NCKAP5: variants seen among roughly 807,000 people sequenced by gnomAD.
The protein encoded by NCKAP5 is nck-associated protein 5.
In NCKAP5, 92 loss-of-function variants were observed where a neutral mutation model predicts 167.0. The ratio of observed to expected loss-of-function variants is 0.55; its 90% CI spans 0.47 to 0.66. The LOEUF is 0.66. Among genes scored for constraint, NCKAP5 ranks in the 30% least tolerant of loss-of-function variants. The pLI, the probability that NCKAP5 is intolerant of heterozygous loss-of-function variation, is 0.00. For missense variants in NCKAP5, 2,378 were observed against 2,315.0 expected (o/e 1.03, Z -0.56); for synonymous variants, 891 against 877.4 (o/e 1.02, Z -0.27).
intron 9 of NCKAP5, among the ~76,000 whole-genome samples, chr2:132,871,610 T>C (rs538574458): frequency 3.9e-5 from 6 of 152,284 alleles, no homozygotes; most frequent in Admixed American, 2.0e-4. Context: ...GGAGGAAATA[T>C]GTTATATCTC....
chr2:133,311,759 A>G (rs1681248584), intron 3 of NCKAP5, among the ~76,000 whole-genome samples: 2 of 152,202 alleles, frequency 1.3e-5, no homozygotes, highest in South Asian at 4.1e-4. Context: ...CCAGGAGTCA[A>G]AGACCAAATA....
chr2:133,468,537 C>T lies in NCKAP5; in HGVS notation c.69+48921G>A, dbSNP rs7569711. On this transcript the variant is annotated intron_variant, in intron 3 of 19. Coordinates refer to ENST00000409261, the MANE Select transcript of NCKAP5 (RefSeq NM_207363.3). ...AGATGTCTATTAGGTCCGCTTGGTG[C>T]GGAGCTGAGTTCAATTCCTGGGTAT... 6.1e-3 allele frequency among the ~76,000 whole-genome samples: 921 copies of T among 152,044 alleles called. 23 individuals are homozygous for T. Among genetic ancestry groups the T allele is most frequent in the Admixed American group, 0.046 (708 of 15,268 alleles).
chr2:132,864,791 T>C (rs1690209118), intron 10 of NCKAP5, among the ~76,000 whole-genome samples: 1 of 152,216 alleles, frequency 6.6e-6, no homozygotes, highest in Non-Finnish European at 1.5e-5. Flanking sequence ...ATGATAGTGG[T>C]ATACCTATTT....
intron 4 of NCKAP5, among the ~76,000 whole-genome samples, chr2:133,296,713 A>G (rs949554741): frequency 4.6e-5 from 7 of 152,228 alleles, no homozygotes. Flanking sequence ...TTTCACAGAT[A>G]AGAAAACTCC....
chr2:133,353,977 G>T (rs1183149048), intron 3 of NCKAP5, among the ~76,000 whole-genome samples: 2 of 152,174 alleles, frequency 1.3e-5, no homozygotes, highest in African/African-American at 2.4e-5. Flanking sequence ...CTGCAAAAAG[G>T]CAAAGGGTCC....
intron 9 of NCKAP5, among the ~76,000 whole-genome samples, chr2:132,871,441 AT>A (rs1383939042): frequency 6.6e-6 from 1 of 152,182 alleles, no homozygotes; most frequent in East Asian, 1.9e-4. Context: ...TTTGGATTTG[AT>A]TTACATTCTC....
At chr2:133,019,386 C>A (rs1207400428) in intron 6 of NCKAP5, among the ~76,000 whole-genome samples, 2 of 152,048 alleles carry the variant, frequency 1.3e-5, no homozygotes, top group South Asian at 2.1e-4. Flanking sequence ...AGAATTGGGG[C>A]AGGGGAAGGA....
intron 3 of NCKAP5, among the ~76,000 whole-genome samples, chr2:133,444,045 C>T (rs1264975817): frequency 6.6e-6 from 1 of 151,578 alleles, no homozygotes; most frequent in East Asian, 1.9e-4. Context: ...TTTAAAAAGT[C>T]CTTTTATTTT....
chr2:133,665,408 C>T, the NCKAP5 span, among the ~76,000 whole-genome samples: 1 of 152,046 alleles, frequency 6.6e-6, no homozygotes, highest in South Asian at 2.1e-4. Context: ...AGTGGGAAAT[C>T]CAAGGATAGG....
At chr2:133,548,047 G>C (rs200403216) in intron 2 of NCKAP5, among the ~76,000 whole-genome samples, 72,271 of 136,928 alleles carry the variant, frequency 0.53, 21,481 homozygotes, top group East Asian at 0.94. Context: ...GCTGATGGAG[G>C]TGAAAACCAA....
At position 133,543,973 on chromosome 2, in the gene NCKAP5, T is replaced by C. The variant is rs35570016; in HGVS notation, c.-62+15077A>G. 4.5e-3 allele frequency among the ~76,000 whole-genome samples: 680 copies of C among 152,330 alleles called. 7 individuals carry two copies. Among genetic ancestry groups the C allele is most frequent in the Non-Finnish European group, 7.2e-3 (489 of 68,018 alleles). ...TATCTCTATCCCAGTACTGAATATC[T>C]AGAACAAGCTTATCTTGTTTGAAAT... is the stretch of plus-strand genomic sequence containing the variant. On this transcript the variant is annotated intron_variant, in intron 2 of 19. Transcript: ENST00000409261.
At chr2:133,056,691 G>A (rs1158751314) in intron 6 of NCKAP5, among the ~76,000 whole-genome samples, 1 of 152,186 alleles carries the variant, frequency 6.6e-6, no homozygotes, top group African/African-American at 2.4e-5. Flanking sequence ...TGACAAGCAG[G>A]AAATCTTTTC....
At chr2:133,469,910 T>C (rs1692920452) in intron 3 of NCKAP5, among the ~76,000 whole-genome samples, 1 of 149,578 alleles carries the variant, frequency 6.7e-6, no homozygotes, top group South Asian at 2.1e-4. Flanking sequence ...TCATACATTC[T>C]TCTAAATTTT....
chr2:133,274,286 T>G (rs549939517), intron 4 of NCKAP5, among the ~76,000 whole-genome samples: 14 of 151,918 alleles, frequency 9.2e-5, no homozygotes, highest in African/African-American at 3.4e-4. Flanking sequence ...AGATCCCACT[T>G]AAAAATAGTA....
At chr2:132,771,343 C>G (rs1263695249) in intron 16 of NCKAP5, among the ~76,000 whole-genome samples, 1 of 152,062 alleles carries the variant, frequency 6.6e-6, no homozygotes, top group Non-Finnish European at 1.5e-5. Context: ...AAAAATCTTA[C>G]AGAATAAGGA....
At chr2:132,739,748 C>T (rs1207329688) in intron 16 of NCKAP5, among the ~76,000 whole-genome samples, 1 of 152,104 alleles carries the variant, frequency 6.6e-6, no homozygotes, top group African/African-American at 2.4e-5. Context: ...AATCATTTCC[C>T]TGGGAGTCAG....
chr2:133,649,425 A>T, the NCKAP5 span, among the ~76,000 whole-genome samples: 13,192 of 151,850 alleles, frequency 0.087, 665 homozygotes, highest in African/African-American at 0.12. Context: ...GAGAAAGACA[A>T]CACAAAAAAA....
intron 6 of NCKAP5, among the ~76,000 whole-genome samples, chr2:133,099,602 C>T (rs1198455462): frequency 6.6e-6 from 1 of 152,168 alleles, no homozygotes; most frequent in Non-Finnish European, 1.5e-5. Flanking sequence ...ATTTCTCAAA[C>T]ATCTTTGTTT....
rs180879641 is a variant in NCKAP5 at position 133,085,767 on chromosome 2, C to T, written c.341+44211G>A. 1.2e-3 allele frequency among the ~76,000 whole-genome samples: 184 copies of T among 152,182 alleles called. 1 individual carries two copies. Among genetic ancestry groups the T allele is most frequent in the African/African-American group, 3.4e-3 (142 of 41,528 alleles). On this transcript the variant is annotated intron_variant, in intron 6 of 19. Coordinates refer to ENST00000409261, the MANE Select transcript of NCKAP5 (RefSeq NM_207363.3). Reference sequence around the variant, plus strand: ...TCACCCTTGGAGAACTGCAGGTCTTCGCTGCAGCAGCAGGACCCCTCCTGT... The same window carrying T: ...TCACCCTTGGAGAACTGCAGGTCTTTGCTGCAGCAGCAGGACCCCTCCTGT...
Sources: gnomAD v4.1 joint callset for allele counts (sites outside exome capture counted in the v4.1 genomes callset) on GRCh38, gnomAD v4.1.1 for gene constraint, MANE v1.5 for transcripts, NCBI Gene and HGNC (gene_info 2026-07-23, HGNC 2026-07-21) for gene names.